The following UBE4A variants were observed in gnomAD, a reference collection of about 807,000 sequenced individuals.
The protein encoded by UBE4A is ubiquitination factor E4A, also known as ubiquitin conjugation factor E4 A.
A neutral mutation model predicts 117.9 loss-of-function variants in UBE4A; 48 were observed. The observed-to-expected ratio is 0.41, with a 90% CI of 0.32 to 0.52. The LOEUF (loss-of-function observed/expected upper bound fraction) is 0.52. Among genes scored for constraint, UBE4A ranks in the 20% least tolerant of loss-of-function variants. The pLI, the probability that UBE4A is intolerant of heterozygous loss-of-function variation, is 0.33. For synonymous variants in UBE4A, 407 were observed against 450.0 expected (o/e 0.90, Z 1.21); for missense variants, 1,067 against 1,296.3 (o/e 0.82, Z 2.72).
chr11:118,376,614 G>A lies in UBE4A; in HGVS notation c.1491G>A (p.Glu497=). 6.2e-7 allele frequency: 1 copy of A among 1,614,000 alleles called. No homozygotes were observed. Among genetic ancestry groups the A allele is most frequent in the Non-Finnish European group, 8.5e-7 (1 of 1,179,988 alleles). Residue 497 remains glutamate (E), a synonymous_variant, in exon 10 of 20, where the codon GAG becomes GAA. Coordinates refer to ENST00000252108, the MANE Select transcript of UBE4A (RefSeq NM_001204077.2). The part of the protein sequence containing the change: ...KETCLIPAVQ[E]PKFPQNYNLV... ...CCTGTTTGATCCCAGCTGTGCAGGA[G>A]CCGAAGTTTCCACAGAACTACAACC...
rs199978749 is a variant in UBE4A at position 118,384,924 on chromosome 11, C to T, written c.2391C>T (p.Phe797=). ...FLNLLMNDAI[F]LLDEAIQYLS... ...ACCTGCTAATGAATGATGCCATCTT[C>T]CTTTTGGATGAAGCCATACAGGTAA... Residue 797 remains phenylalanine (F), a synonymous_variant, in exon 15 of 20, where the codon TTC becomes TTT. Transcript: ENST00000252108. 3 of 1,566,544 alleles carry T rather than the reference C, an allele frequency of 1.9e-6. No homozygotes were observed. The highest frequency in any genetic ancestry group is 2.6e-6 in the Non-Finnish European group (3 of 1,141,624).
intron 2 of UBE4A, 129 bp from the exon 3 acceptor site, chr11:118,368,502 A>G (rs1948582860): frequency 1.9e-6 from 2 of 1,069,490 alleles, no homozygotes; most frequent in Non-Finnish European, 2.7e-6. Flanking sequence ...TGAGATGTTC[A>G]CTAATTAGAT....
In UBE4A at chr11:118,373,508, C is replaced by T; in HGVS notation, c.939C>T (p.Tyr313=). The part of the protein sequence containing the change: ...QKDMAKVFVE[Y]IQPKDPTNGQ... ...TTCTCTTACAGGTTTTTGTAGAATA[C>T]ATTCAGCCCAAGGACCCTACCAATG... is the stretch of plus-strand genomic sequence containing the variant. Residue 313 remains tyrosine (Y), a synonymous_variant, in exon 8 of 20, where the codon TAC becomes TAT. Transcript: ENST00000252108. The T allele has an allele frequency of 1.2e-6, 2 of 1,612,614 alleles. No individual in the cohort carries two copies. The highest frequency in any genetic ancestry group is 1.1e-5 in the South Asian group (1 of 90,866).
rs1565534523 is a variant in UBE4A at position 118,379,592 on chromosome 11, C to T, written c.1718C>T (p.Thr573Ile). ...RLMTIYLSTK[T>I]AMTEPQMLQN... ...ATGACCATCTATCTTTCTACCAAGA[C>T]TGCCATGACAGAGCCACAAATGCTA... is the stretch of plus-strand genomic sequence containing the variant. Residue 573 changes from threonine (T) to isoleucine (I), a missense_variant, in exon 11 of 20, where the codon ACT becomes ATT. Physicochemically the swap from Thr to Ile is moderately conservative, Grantham distance 89. Coordinates refer to ENST00000252108, the MANE Select transcript of UBE4A (RefSeq NM_001204077.2). The T allele has an allele frequency of 6.2e-7, 1 of 1,614,230 alleles. No homozygotes were observed. The highest frequency in any genetic ancestry group is 8.5e-7 in the Non-Finnish European group (1 of 1,180,040).
At position 118,379,518 on chromosome 11, in the gene UBE4A, A is replaced by G. The variant is rs1555125921; in HGVS notation, c.1644A>G (p.Gln548=). The change falls in exon 11 of 20, where the codon CAA becomes CAG. Residue 548 remains glutamine, a synonymous_variant. Transcript: ENST00000252108. ...RLQVAWRDAQ[Q]SSSPAADNLR... is the part of the protein sequence containing the mutation. Reference sequence around the variant, plus strand: ...AGGTTGCCTGGCGGGATGCTCAGCAAAGTTCTAGCCCTGCTGCTGACAATC... The same window carrying G: ...AGGTTGCCTGGCGGGATGCTCAGCAGAGTTCTAGCCCTGCTGCTGACAATC... 6.8e-6 allele frequency: 11 copies of G among 1,614,120 alleles called. No homozygotes were observed. The highest frequency in any genetic ancestry group is 9.3e-6 in the Non-Finnish European group (11 of 1,180,040).
intron 15 of UBE4A, 31 bp downstream of exon 15, chr11:118,384,976 C>T (rs782155865): frequency 3.6e-6 from 5 of 1,406,388 alleles, no homozygotes; most frequent in East Asian, 4.9e-5. Context: ...AAAGATTTAA[C>T]TTCTCCATAC....
intron 13 of UBE4A, among the ~76,000 whole-genome samples, chr11:118,384,255 T>C (rs1948734365): frequency 6.6e-6 from 1 of 152,222 alleles, no homozygotes. Flanking sequence ...GTGAAGAATG[T>C]GGGAATTGCT....
chr11:118,367,373 A>G (rs940177318), intron 2 of UBE4A, among the ~76,000 whole-genome samples: 11 of 152,218 alleles, frequency 7.2e-5, no homozygotes, highest in African/African-American at 2.7e-4. Context: ...ATCAATCATT[A>G]GAGAAGTGCC....
intron 12 of UBE4A, 86 bp from the exon 13 acceptor site, chr11:118,382,503 G>T (rs1948714151): frequency 1.7e-6 from 2 of 1,184,962 alleles, no homozygotes; most frequent in South Asian, 3.1e-5. Context: ...GGTTTAGGGT[G>T]GATTTTGATT....
rs1555128210 is a variant in UBE4A at position 118,390,637 on chromosome 11, T to C, written c.2769-20T>C. On this transcript the variant is annotated intron_variant, in intron 17 of 19. Coordinates refer to ENST00000252108, the MANE Select transcript of UBE4A (RefSeq NM_001204077.2). ...ACCAACCCTCTGGTGATCAGTTTTT[T>C]TCTGATGCTAATGTTCCAGGGATGA... 6.7e-7 allele frequency: 1 copy of C among 1,488,814 alleles called. No homozygotes were observed. Among genetic ancestry groups the C allele is most frequent in the Admixed American group, 2.5e-5 (1 of 40,502 alleles). The allele number at this position is 1,488,814 out of a possible 1,614,324, so 92.2% of individuals were successfully genotyped here.
chr11:118,378,002 C>CT (rs1948668737), intron 10 of UBE4A, among the ~76,000 whole-genome samples: 1 of 151,776 alleles, frequency 6.6e-6, no homozygotes. Context: ...AATCCCAGCA[C>CT]TTTGGGAGGC....
chr11:118,364,015 C>G (rs568492233), intron 1 of UBE4A, among the ~76,000 whole-genome samples: 4 of 152,218 alleles, frequency 2.6e-5, no homozygotes, highest in African/African-American at 9.6e-5. Context: ...TACCCCTACT[C>G]CCGCTATTTC....
At chr11:118,372,974 A>AC (rs1291530986) in intron 6 of UBE4A, 112 bp from the exon 7 acceptor site, 51 of 1,044,398 alleles carry the variant, frequency 4.9e-5, no homozygotes, top group Non-Finnish European at 6.1e-5. Context: ...AAAAAACAAG[A>AC]CCCCCAGCTC....
rs782370444 is a variant in UBE4A at position 118,379,428 on chromosome 11, C to T, written c.1572-18C>T. The T allele has an allele frequency of 1.7e-5, 27 of 1,607,376 alleles. No homozygotes were observed. In the Admixed American group the frequency reaches 1.8e-4, roughly 11 times the overall value. On this transcript the variant is annotated intron_variant, in intron 10 of 19. Transcript: ENST00000252108. ...TCTGTTTTCCCTGACCCAGTCTCTT[C>T]TGCTTTCTTGGGGGCAGGTTGCATG...
At chr11:118,359,909 A>C (rs1379186934) in intron 1 of UBE4A, among the ~76,000 whole-genome samples, 1 of 152,118 alleles carries the variant, frequency 6.6e-6, no homozygotes, top group East Asian at 1.9e-4. Flanking sequence ...CATCTTTGCC[A>C]AGCCCCTCCT....
rs1948795306 is a variant in UBE4A at position 118,389,757 on chromosome 11, G to A, written c.2620G>A (p.Ala874Thr). 6.2e-7 allele frequency: 1 copy of A among 1,612,538 alleles called. No individual in the cohort carries two copies. Among genetic ancestry groups the A allele is most frequent in the Non-Finnish European group, 8.5e-7 (1 of 1,178,774 alleles). ...IKSLFVHPFL[A>T]ERIISMLNYF... ...GTCACTCTTTGTGCATCCCTTCCTGGCTGAGCGCATCATCTCCATGTTGAA... is the reference window on the plus strand; with the variant it reads ...GTCACTCTTTGTGCATCCCTTCCTGACTGAGCGCATCATCTCCATGTTGAA... The change falls in exon 17 of 20, where the codon GCT (alanine) becomes ACT (threonine). Residue 874 changes from alanine to threonine, a missense_variant. By Grantham distance (58) the Ala-to-Thr change is moderately conservative (BLOSUM62 0). Around this residue, in one of 3 missense-constraint regions of UBE4A, gnomAD observed 1,001 missense variants for 1,184.0 expected, o/e 0.85. Coordinates refer to ENST00000252108, the MANE Select transcript of UBE4A (RefSeq NM_001204077.2).
intron 9 of UBE4A, among the ~76,000 whole-genome samples, chr11:118,375,506 C>T (rs1232369061): frequency 2.0e-5 from 3 of 151,986 alleles, no homozygotes; most frequent in African/African-American, 7.2e-5. Flanking sequence ...ACTACAGGCA[C>T]GCGCCACCAC....
intron 19 of UBE4A, 63 bp from the exon 20 acceptor site, chr11:118,396,251 T>A (rs487156): frequency 6.4e-7 from 1 of 1,557,206 alleles, no homozygotes; most frequent in Non-Finnish European, 8.6e-7. Flanking sequence ...GGTGTTCTGT[T>A]TTTGGCTTAG....
intron 2 of UBE4A, among the ~76,000 whole-genome samples, chr11:118,366,513 T>C (rs1948564462): frequency 6.6e-6 from 1 of 152,182 alleles, no homozygotes; most frequent in Non-Finnish European, 1.5e-5. Flanking sequence ...GCCCTTCTGT[T>C]ACTATTTTGG....
Sources: allele counts gnomAD v4.1 joint callset (sites outside exome capture counted in the v4.1 genomes callset), GRCh38; gene constraint gnomAD v4.1.1; regional missense constraint gnomAD v4.1.1; transcripts MANE v1.5; gene names NCBI Gene and HGNC (gene_info 2026-07-23, HGNC 2026-07-21).